KIF21B: variants seen among roughly 807,000 people sequenced by gnomAD.
The protein encoded by KIF21B is kinesin-like protein KIF21B.
KIF21B carries 85 observed loss-of-function variants against 192.9 expected under a neutral mutation model. That is an observed-to-expected ratio of 0.44 (90% confidence interval 0.37 to 0.53). The LOEUF (loss-of-function observed/expected upper bound fraction) is 0.53, where lower values mean the gene tolerates loss of function less well. KIF21B is among the 20% of genes least tolerant of loss of function. The pLI, the probability that KIF21B is intolerant of heterozygous loss-of-function variation, is 0.00. For missense variants in KIF21B, 1,716 were observed against 2,194.8 expected (o/e 0.78, Z 4.36); for synonymous variants, 832 against 884.6 (o/e 0.94, Z 1.05).
rs1251670449 is a variant in KIF21B at position 200,974,902 on chromosome 1, A to G, written c.4626T>C (p.Asn1542=). ...DQQELIQQIP[N]AHKDWVCALA... Reference sequence around the variant, plus strand: ...GGGCGCACACCCAGTCCTTGTGCGCATTGGGGATTTGCTGTGAGAGGATCA... The same window carrying G: ...GGGCGCACACCCAGTCCTTGTGCGCGTTGGGGATTTGCTGTGAGAGGATCA... Residue 1542 remains asparagine (N), a synonymous_variant, in exon 34 of 35, where the codon AAT becomes AAC. Coordinates refer to ENST00000461742, the MANE Select transcript of KIF21B (RefSeq NM_001252102.2). 5.0e-6 allele frequency: 8 copies of G among 1,613,600 alleles called. No homozygotes were observed. The highest frequency in any genetic ancestry group is 6.8e-6 in the Non-Finnish European group (8 of 1,179,988).
At chr1:200,976,168 G>A (rs1196560435) in intron 32 of KIF21B, among the ~76,000 whole-genome samples, 1 of 152,148 alleles carries the variant, frequency 6.6e-6, no homozygotes, top group Non-Finnish European at 1.5e-5. Context: ...TCGGCTCACT[G>A]CAACCTCTGC....
chr1:200,994,657 T>TC (rs1265494948), intron 15 of KIF21B, among the ~76,000 whole-genome samples: 1 of 152,214 alleles, frequency 6.6e-6, no homozygotes, highest in African/African-American at 2.4e-5. Context: ...CATGAGGCTC[T>TC]CCAGGGCCTC....
At chr1:200,986,346 C>T (rs1036650901) in intron 26 of KIF21B, among the ~76,000 whole-genome samples, 1 of 148,700 alleles carries the variant, frequency 6.7e-6, no homozygotes, top group Non-Finnish European at 1.5e-5. Context: ...ACAGAAATTA[C>T]ATTTCCTTTT....
At chr1:201,014,930 C>T (rs1348169794) in intron 1 of KIF21B, among the ~76,000 whole-genome samples, 4 of 152,186 alleles carry the variant, frequency 2.6e-5, no homozygotes, top group Non-Finnish European at 5.9e-5. Context: ...ATGCCTTTTC[C>T]TTGCTAGTAA....
In KIF21B at chr1:201,009,418, G is replaced by T. The variant is rs1242227998; in HGVS notation, c.112C>A (p.Pro38Thr). 6.2e-7 allele frequency: 1 copy of T among 1,614,248 alleles called. No individual in the cohort carries two copies. Among genetic ancestry groups the T allele is most frequent in the Non-Finnish European group, 8.5e-7 (1 of 1,180,044 alleles). ...TTGTCCTTCCCCAGCAGGACCTGGGGCTCTCCCGGGGTAACAGAGGTACAG... is the reference window on the plus strand; with the variant it reads ...TTGTCCTTCCCCAGCAGGACCTGGGTCTCTCCCGGGGTAACAGAGGTACAG... ...HICTSVTPGE[P>T]QVLLGKDKAF... is the part of the protein sequence containing the mutation. Residue 38 changes from proline to threonine, a missense_variant, in exon 2 of 35, where the codon CCC becomes ACC. This residue lies in a region of KIF21B where 1,087 missense variants were observed against 1,316.6 expected (regional missense o/e 0.83). Transcript: ENST00000461742.
chr1:200,980,841 C>T (rs1571914383), intron 29 of KIF21B, 119 bp downstream of exon 29: 1 of 1,274,030 alleles, frequency 7.8e-7, no homozygotes, highest in Non-Finnish European at 1.1e-6. Flanking sequence ...CAAATAGACC[C>T]CATATCCTCA....
Position 200,998,432 on chromosome 1 carries a change from T to C in KIF21B, c.2029A>G (p.Lys677Glu), listed in dbSNP as rs1657217642. Residue 677 changes from lysine to glutamate, a missense_variant, in exon 14 of 35, where the codon AAG becomes GAG. This residue lies in a region of KIF21B where 1,087 missense variants were observed against 1,316.6 expected (regional missense o/e 0.83). Coordinates refer to ENST00000461742, the MANE Select transcript of KIF21B (RefSeq NM_001252102.2). The surrounding 1 kb of genome is among the most constrained non-coding windows in gnomAD (Gnocchi z 4.3). ...CGCTCCAGCTGTGTGTCTCGGATCT[T>C]GTTCTGCAGCAGAATCAGCTTTTCC... is the stretch of plus-strand genomic sequence containing the variant. ...YEEKLILLQN[K>E]IRDTQLERDR... 6.2e-7 allele frequency: 1 copy of C among 1,614,062 alleles called. No individual in the cohort carries two copies. Among genetic ancestry groups the C allele is most frequent in the Non-Finnish European group, 8.5e-7 (1 of 1,180,032 alleles).
intron 33 of KIF21B, 84 bp from the exon 34 acceptor site, chr1:200,974,997 AG>A: frequency 7.3e-7 from 1 of 1,366,760 alleles, no homozygotes; most frequent in Non-Finnish European, 1.0e-6. Context: ...CTAGTAGTGG[AG>A]CTACTTCCAG....
In KIF21B at chr1:200,999,579, G is replaced by A. The variant is rs1235110735; in HGVS notation, c.1768-113C>T. 7.8e-6 allele frequency: 12 copies of A among 1,529,086 alleles called. No homozygotes were observed. Among genetic ancestry groups the A allele is most frequent in the Non-Finnish European group, 1.1e-5 (12 of 1,138,548 alleles). The allele number at this position is 1,529,086 out of a possible 1,614,324, so 94.7% of individuals were successfully genotyped here. On this transcript the variant is annotated intron_variant, in intron 12 of 34. Coordinates refer to ENST00000461742, the MANE Select transcript of KIF21B (RefSeq NM_001252102.2). This position sits in a 1 kb window ranked among gnomAD's most constrained non-coding sequence, Gnocchi z 4.7. ...TGTCAGGAGGGTGGGGATTGGGGCA[G>A]GCCACAGCTGAGCCCCCCTGCCCAC...
rs750233246 is a variant in KIF21B at position 200,975,456 on chromosome 1, C to T, written c.4614+43G>A. 22 of 1,568,086 alleles carry T rather than the reference C, an allele frequency of 1.4e-5. No homozygotes were observed. In the Admixed American group the frequency reaches 2.6e-4, roughly 19 times the overall value. On this transcript the variant is annotated intron_variant, in intron 33 of 34. Transcript: ENST00000461742. This position sits in a 1 kb window ranked among gnomAD's most constrained non-coding sequence, Gnocchi z 4.3. The stretch of plus-strand genomic sequence containing the variant: ...AAGGCCCTGCGTGGGCTATGGAAAC[C>T]ACCCTACCCGAGTCTACCCTCTCCC...
intron 28 of KIF21B, among the ~76,000 whole-genome samples, chr1:200,981,716 G>A (rs1234165844): frequency 1.3e-5 from 2 of 152,184 alleles, no homozygotes; most frequent in African/African-American, 2.4e-5. Context: ...TGGCATTTAC[G>A]AAGGGCTAAA....
Position 200,973,360 on chromosome 1 carries a change from G to A in KIF21B, c.*161C>T. The A allele has an allele frequency of 1.2e-6, 1 of 811,878 alleles. No individual in the cohort carries two copies. Among genetic ancestry groups the A allele is most frequent in the South Asian group, 2.9e-5 (1 of 34,310 alleles). The allele number at this position is 811,878 out of a possible 1,614,324, so 50.3% of individuals were successfully genotyped here. On this transcript the variant is annotated 3_prime_UTR_variant, in exon 35 of 35. Transcript: ENST00000461742. ...GAGGCAGGGGAGGGATGAGGGAACA[G>A]TGTCCTGTGGGAAGGCCAAGGGAGA...
chr1:201,002,374 C>T (rs1000504485), intron 8 of KIF21B, 24 bp from the exon 9 acceptor site: 7 of 1,603,018 alleles, frequency 4.4e-6, no homozygotes, highest in Non-Finnish European at 6.0e-6. Flanking sequence ...CAAAGGGGAG[C>T]AGTCAGGCAG....
At position 201,005,369 on chromosome 1, in the gene KIF21B, C is replaced by T. The variant is rs1382624794; in HGVS notation, c.671G>A (p.Arg224His). 6.2e-7 allele frequency: 1 copy of T among 1,613,116 alleles called. No individual in the cohort carries two copies. Among genetic ancestry groups the T allele is most frequent in the South Asian group, 1.1e-5 (1 of 90,952 alleles). Residue 224 changes from arginine to histidine, a missense_variant, in exon 5 of 35, where the codon CGC (arginine) becomes CAC (histidine). Physicochemically the swap from Arg to His is conservative, Grantham distance 29. Coordinates refer to ENST00000461742, the MANE Select transcript of KIF21B (RefSeq NM_001252102.2). ...GTGGATGGTGAAGATGGCGTGGGAG[C>T]GTGAGCTCTGCACGTTCATCTGGGT... ...ASTQMNVQSS[R>H]SHAIFTIHLC...
intron 1 of KIF21B, among the ~76,000 whole-genome samples, chr1:201,011,099 T>G (rs112445294): frequency 6.6e-6 from 1 of 152,246 alleles, no homozygotes; most frequent in South Asian, 2.1e-4. Context: ...CAAATTGGAA[T>G]GGCAGCCCAG....
At chr1:200,974,113 G>A (rs751597322) in intron 34 of KIF21B, 43 of 1,609,226 alleles carry the variant, frequency 2.7e-5, no homozygotes, top group African/African-American at 1.2e-4. Context: ...GGGTGGTGGC[G>A]CGGCCCTTTA....
Position 200,971,444 on chromosome 1 carries a change from G to A in KIF21B, c.*2077C>T, listed in dbSNP as rs981777998. On this transcript the variant is annotated 3_prime_UTR_variant, in exon 35 of 35. Coordinates refer to ENST00000461742, the MANE Select transcript of KIF21B (RefSeq NM_001252102.2). ...CCCAGGTGGGGCATCCCCGGCCCGG[G>A]GGTGGGAGCTCAAGGGGACAGAGTC... The A allele has an allele frequency of 1.3e-5, 2 of 152,518 alleles. No homozygotes were observed. The highest frequency in any genetic ancestry group is 6.5e-5 in the Admixed American group (1 of 15,290). 9.4% of individuals were successfully genotyped at this position (152,518 alleles called of 1,614,324 possible).
chr1:201,004,891 A>G lies in KIF21B; in HGVS notation c.775T>C (p.Ser259Pro). The change falls in exon 6 of 35, where the codon TCG becomes CCG. Residue 259 changes from serine (S) to proline (P), a missense_variant. This residue lies in a region of KIF21B where 1,087 missense variants were observed against 1,316.6 expected (regional missense o/e 0.83). Coordinates refer to ENST00000461742, the MANE Select transcript of KIF21B (RefSeq NM_001252102.2). Reference sequence around the variant, plus strand: ...GCAGTGAGTGTCTCATACTCACTCGAGGGAGGTGTACCATCAGGAAGCCCA... The same window carrying G: ...GCAGTGAGTGTCTCATACTCACTCGGGGGAGGTGTACCATCAGGAAGCCCA... ...VTGLPDGTPP[S>P]SEYETLTAKF... 6.2e-7 allele frequency: 1 copy of G among 1,613,164 alleles called. No homozygotes were observed. The highest frequency in any genetic ancestry group is 8.5e-7 in the Non-Finnish European group (1 of 1,179,180).
intron 6 of KIF21B, 144 bp from the exon 7 acceptor site, chr1:201,004,599 T>C (rs1041987321): frequency 9.0e-7 from 1 of 1,117,208 alleles, no homozygotes; most frequent in African/African-American, 1.5e-5. Context: ...GGCACATGGA[T>C]AAGTTGGTGA....
Sources: allele counts gnomAD v4.1 joint callset (sites outside exome capture counted in the v4.1 genomes callset), GRCh38; gene constraint gnomAD v4.1.1; regional missense constraint gnomAD v4.1.1; non-coding constraint Gnocchi (gnomAD v3.1); transcripts MANE v1.5; gene names NCBI Gene and HGNC (gene_info 2026-07-23, HGNC 2026-07-21).